NUP93: variants seen among roughly 807,000 people sequenced by gnomAD.
NUP93 encodes the protein nucleoporin 93.
NUP93 carries 55 observed loss-of-function variants against 107.8 expected under a neutral mutation model. That is an observed-to-expected ratio of 0.51 (90% CI 0.41 to 0.64). The LOEUF is 0.64. Among genes scored for constraint, NUP93 ranks in the 30% least tolerant of loss-of-function variants. NUP93 has a pLI of 0.00. For missense variants in NUP93, 937 were observed against 1,044.7 expected (o/e 0.90, Z 1.42); for synonymous variants, 390 against 397.5 (o/e 0.98, Z 0.22).
chr16:56,745,421 A>G (rs1216210345), intron 1 of NUP93, among the ~76,000 whole-genome samples: 1 of 152,060 alleles, frequency 6.6e-6, no homozygotes, highest in Non-Finnish European at 1.5e-5. Flanking sequence ...ATGTGATCTG[A>G]CTGACTGTAA....
intron 2 of NUP93, among the ~76,000 whole-genome samples, chr16:56,749,416 G>A (rs769828140): frequency 7.2e-5 from 11 of 152,164 alleles, no homozygotes; most frequent in Non-Finnish European, 1.3e-4. Context: ...ACCTAGTGAG[G>A]TTGACTCCAG....
chr16:56,786,142 T>G (rs1596798665), intron 3 of NUP93, among the ~76,000 whole-genome samples: 1 of 152,182 alleles, frequency 6.6e-6, no homozygotes, highest in Non-Finnish European at 1.5e-5. Flanking sequence ...AAAGCTTATT[T>G]TCTTTCTTTT....
intron 3 of NUP93, among the ~76,000 whole-genome samples, chr16:56,777,969 T>G (rs1191573874): frequency 1.3e-5 from 2 of 152,224 alleles, no homozygotes; most frequent in African/African-American, 2.4e-5. Context: ...CAGTGCCCGT[T>G]AAGGACAGCA....
chr16:56,773,479 C>T (rs2144507562), intron 3 of NUP93, among the ~76,000 whole-genome samples: 1 of 152,302 alleles, frequency 6.6e-6, no homozygotes, highest in African/African-American at 2.4e-5. Flanking sequence ...TATTAACTTT[C>T]TAGCTCAGGT....
chr16:56,811,533 C>T (rs759173925), intron 5 of NUP93, among the ~76,000 whole-genome samples: 4 of 150,806 alleles, frequency 2.7e-5, no homozygotes, highest in Non-Finnish European at 5.9e-5. Flanking sequence ...TTTTTTGAAA[C>T]AGAGTCTCAC....
chr16:56,733,267 G>A (rs1183468321), intron 1 of NUP93, among the ~76,000 whole-genome samples: 1 of 152,156 alleles, frequency 6.6e-6, no homozygotes, highest in Non-Finnish European at 1.5e-5. Flanking sequence ...ATTCTGTAGG[G>A]GATGGAAGGT....
chr16:56,775,946 G>A (rs1370570932), intron 3 of NUP93, among the ~76,000 whole-genome samples: 1 of 151,582 alleles, frequency 6.6e-6, no homozygotes, highest in Non-Finnish European at 1.5e-5. Flanking sequence ...CATAGTTGCT[G>A]TTTCAAATTC....
rs1334928223 is a variant in NUP93 at position 56,839,012 on chromosome 16, G to A, written c.2079G>A (p.Leu693=). Residue 693 remains leucine (L), a synonymous_variant, in exon 19 of 22, where the codon TTG becomes TTA. Transcript: ENST00000308159. The part of the protein sequence containing the change: ...KFVDSTFYLL[L]DLITFFDEYH... ...TGGACTCCACGTTCTATCTTCTTTT[G>A]GACTTGATCACCTTTTTTGACGAGT... The A allele has an allele frequency of 6.2e-7, 1 of 1,613,894 alleles. No homozygotes were observed. The highest frequency in any genetic ancestry group is 1.1e-5 in the South Asian group (1 of 91,050).
Position 56,837,717 on chromosome 16 carries a change from T to C in NUP93, c.2009T>C (p.Ile670Thr), listed in dbSNP as rs1426195129. The C allele has an allele frequency of 1.2e-6, 2 of 1,613,306 alleles. No homozygotes were observed. Among genetic ancestry groups the C allele is most frequent in the African/African-American group, 2.7e-5 (2 of 74,922 alleles). Reference protein sequence around the residue: ...KERLKNMALSIAERYRAQGIS... With the variant: ...KERLKNMALSTAERYRAQGIS... ...AGGCTGAAGAACATGGCACTCTCCA[T>C]TGCCGAACGGTAAGCCAGGAGCTGG... The change falls in exon 18 of 22, where the codon ATT becomes ACT. Residue 670 changes from isoleucine to threonine, a missense_variant. Ile to Thr is a moderately conservative substitution (Grantham distance 89, BLOSUM62 -1). Coordinates refer to ENST00000308159, the MANE Select transcript of NUP93 (RefSeq NM_014669.5).
intron 15 of NUP93, 107 bp downstream of exon 15, chr16:56,834,549 AG>A: frequency 7.9e-7 from 1 of 1,273,640 alleles, no homozygotes; most frequent in Non-Finnish European, 1.1e-6. Context: ...GATAAGGCCT[AG>A]GGAGTTTTTG....
At position 56,848,665 on chromosome 16, in the gene NUP93, AG is replaced by A. The variant is rs1368636043; in HGVS notation, c.*4057del. 1 of 152,212 alleles carries A rather than the reference AG, an allele frequency of 6.6e-6. No homozygotes were observed. The highest frequency in any genetic ancestry group is 2.4e-5 in the African/African-American group (1 of 41,444). 9.4% of individuals were successfully genotyped at this position (152,212 alleles called of 1,614,324 possible). On this transcript the variant is annotated 3_prime_UTR_variant, in exon 22 of 22. Coordinates refer to ENST00000308159, the MANE Select transcript of NUP93 (RefSeq NM_014669.5). ...AAAATTACTAAAGTGTTCTGAAAAGAGATTTCAAGTGGTCTGTGCTGCTTTT... is the reference window on the plus strand; with the variant it reads ...AAAATTACTAAAGTGTTCTGAAAAGAATTTCAAGTGGTCTGTGCTGCTTTT...
intron 7 of NUP93, among the ~76,000 whole-genome samples, chr16:56,822,247 C>T (rs1167151176): frequency 6.6e-6 from 1 of 151,836 alleles, no homozygotes; most frequent in Non-Finnish European, 1.5e-5. Context: ...TGTGGTGGCT[C>T]ACATCTGTAA....
In NUP93 at chr16:56,839,583, CT is replaced by C. The variant is rs757503211; in HGVS notation, c.2201del (p.Phe734SerfsTer20). On this transcript the variant is annotated frameshift_variant, in exon 20 of 22. Coordinates refer to ENST00000308159, the MANE Select transcript of NUP93 (RefSeq NM_014669.5). LOFTEE classifies it high-confidence loss of function. ...QESVEERVAA[F>X]RNFSDEIRHN... Reference sequence around the variant, plus strand: ...AAAGTGTGGAAGAGAGAGTGGCTGCCTTCAGAAATTTCAGTGATGAAGTAAG... The same window carrying C: ...AAAGTGTGGAAGAGAGAGTGGCTGCCTCAGAAATTTCAGTGATGAAGTAAG... 1 of 1,613,600 alleles carries C rather than the reference CT, an allele frequency of 6.2e-7. No homozygotes were observed. The highest frequency in any genetic ancestry group is 8.5e-7 in the Non-Finnish European group (1 of 1,179,728).
intron 1 of NUP93, among the ~76,000 whole-genome samples, chr16:56,732,904 C>T (rs146472248): frequency 3.2e-4 from 48 of 152,226 alleles, no homozygotes; most frequent in African/African-American, 1.1e-3. Flanking sequence ...GGAAATTTGC[C>T]ACTAGAGAGG....
chr16:56,777,466 AT>A lies in NUP93; in HGVS notation c.297+18814del, dbSNP rs56934900. On this transcript the variant is annotated intron_variant, in intron 3 of 21. Coordinates refer to ENST00000308159, the MANE Select transcript of NUP93 (RefSeq NM_014669.5). Reference sequence around the variant, plus strand: ...TATCAGCAAGAGAGAATGAACTGTAATTTGTTTTAGTGCTAAATAAGGCTGT... The same window carrying A: ...TATCAGCAAGAGAGAATGAACTGTAATTGTTTTAGTGCTAAATAAGGCTGT... Among the ~76,000 whole-genome samples, 967 of 152,264 alleles carry A rather than the reference AT, an allele frequency of 6.4e-3. 18 individuals are homozygous for A. Among genetic ancestry groups the A allele is most frequent in the African/African-American group, 0.023 (940 of 41,564 alleles).
intron 1 of NUP93, among the ~76,000 whole-genome samples, chr16:56,730,979 A>C (rs1337277006): frequency 6.6e-6 from 1 of 151,974 alleles, no homozygotes; most frequent in Non-Finnish European, 1.5e-5. Context: ...AGCGAGGGTC[A>C]CCTTTTTGTA....
chr16:56,763,464 C>T (rs1962161209), intron 3 of NUP93, among the ~76,000 whole-genome samples: 1 of 151,622 alleles, frequency 6.6e-6, no homozygotes, highest in Non-Finnish European at 1.5e-5. Context: ...GGCATTTTTC[C>T]AAGGTAGAAG....
intron 20 of NUP93, among the ~76,000 whole-genome samples, chr16:56,840,405 T>G (rs534571240): frequency 1.3e-5 from 2 of 152,326 alleles, no homozygotes; most frequent in East Asian, 3.9e-4. Context: ...CTGTTGGGTT[T>G]CTAGCATATT....
chr16:56,782,068 C>A, intron 3 of NUP93: 1 of 985,458 alleles, frequency 1.0e-6, no homozygotes, highest in South Asian at 4.7e-5. Flanking sequence ...CTTCTCCCCA[C>A]CCCCATCCCT....
Sources: gnomAD v4.1 joint callset for allele counts (sites outside exome capture counted in the v4.1 genomes callset) on GRCh38, gnomAD v4.1.1 for gene constraint, MANE v1.5 for transcripts, NCBI Gene and HGNC (gene_info 2026-07-23, HGNC 2026-07-21) for gene names.